DNAJB13: variants seen among roughly 807,000 people sequenced by gnomAD.
DNAJB13 encodes the protein DnaJ heat shock protein family (Hsp40) member B13.
A neutral mutation model predicts 35.6 loss-of-function variants in DNAJB13; 22 were observed. The observed-to-expected ratio is 0.62, with a 90% CI of 0.44 to 0.88. DNAJB13 has a LOEUF of 0.88. Among genes scored for constraint, DNAJB13 ranks in the 40% least tolerant of loss-of-function variants. The pLI is 0.00. For synonymous variants in DNAJB13, 136 were observed against 144.2 expected, an observed-to-expected ratio of 0.94 and a Z score of 0.41; for missense variants, 370 against 384.3, an observed-to-expected ratio of 0.96 and a Z score of 0.31.
intron 3 of DNAJB13, among the ~76,000 whole-genome samples, chr11:73,961,335 G>C (rs562541791): frequency 6.6e-6 from 1 of 152,056 alleles, no homozygotes; most frequent in East Asian, 1.9e-4. Flanking sequence ...GGGTGAGAAG[G>C]CTGTAAGCTG....
Position 73,966,120 on chromosome 11 carries a change from C to T in DNAJB13, c.493-18C>T. 1 of 1,606,012 alleles carries T rather than the reference C, an allele frequency of 6.2e-7. No individual in the cohort carries two copies. Among genetic ancestry groups the T allele is most frequent in the Non-Finnish European group, 8.5e-7 (1 of 1,175,826 alleles). On this transcript the variant is annotated intron_variant, in intron 4 of 7. Coordinates refer to ENST00000339764, the MANE Select transcript of DNAJB13 (RefSeq NM_153614.4). ...GAAGTCCTAAGCAGACCTCCCCACA[C>T]CTGATATGTTGCTATAGGTGCTGAA...
At position 73,964,815 on chromosome 11, in the gene DNAJB13, G is replaced by GCGCGCGCGCGCGCCCC. The variant is rs150548061; in HGVS notation, c.335-54_335-53insGCGCCCCCGCGCGCGC. 8 of 976,814 alleles carry GCGCGCGCGCGCGCCCC rather than the reference G, an allele frequency of 8.2e-6. No homozygotes were observed. The African/African-American group carries it at 9.8e-5, about 12-fold the overall frequency. 60.5% of individuals were successfully genotyped at this position (976,814 alleles called of 1,614,324 possible). Reference sequence around the variant, plus strand: ...TGTGTGTGTGTGTGTGTGTGTGTGCGCGCGCGCGCATGTCTGGGTCTCTGG... The same window carrying GCGCGCGCGCGCGCCCC: ...TGTGTGTGTGTGTGTGTGTGTGTGCGCGCGCGCGCGCGCCCCCGCGCGCGCATGTCTGGGTCTCTGG... On this transcript the variant is annotated intron_variant, in intron 3 of 7. Coordinates refer to ENST00000339764, the MANE Select transcript of DNAJB13 (RefSeq NM_153614.4).
rs112408676 is a variant in DNAJB13, at chr11:73,962,631, C to T, written c.335-2247C>T. Reference sequence around the variant, plus strand: ...GACTTCCTGGCTCCAGTTATACCCACATAAGGCCTAGATTTTTCACTGCCT... The same window carrying T: ...GACTTCCTGGCTCCAGTTATACCCATATAAGGCCTAGATTTTTCACTGCCT... On this transcript the variant is annotated intron_variant, in intron 3 of 7. Coordinates refer to ENST00000339764, the MANE Select transcript of DNAJB13 (RefSeq NM_153614.4). Among the ~76,000 whole-genome samples, 268 of 152,322 alleles carry T rather than the reference C, an allele frequency of 1.8e-3. 3 individuals carry two copies. The highest frequency in any genetic ancestry group is 6.0e-3 in the African/African-American group (251 of 41,570).
chr11:73,968,586 C>T, intron 6 of DNAJB13, 128 bp downstream of exon 6: 2 of 727,112 alleles, frequency 2.8e-6, no homozygotes, highest in Non-Finnish European at 4.6e-6. Flanking sequence ...ATTCCACCCT[C>T]TAAATCACCA....
At chr11:73,968,253 C>A in intron 5 of DNAJB13, 92 bp from the exon 6 acceptor site, 1 of 1,115,518 alleles carries the variant, frequency 9.0e-7, no homozygotes, top group Non-Finnish European at 1.4e-6. Flanking sequence ...CCCCATTGTA[C>A]AGATGAAGAC....
chr11:73,959,535 C>T lies in DNAJB13; in HGVS notation c.214C>T (p.Leu72=). Residue 72 remains leucine (L), a synonymous_variant, in exon 3 of 8, where the codon CTG becomes TTG. Transcript: ENST00000339764. ...GIYDKFGEEG[L]KGGIPLEFGS... ...CTACGACAAGTTTGGAGAAGAGGGC[C>T]TGAAGGGTGGGATTCCTTTGGAGTT... 1 of 1,614,104 alleles carries T rather than the reference C, an allele frequency of 6.2e-7. No homozygotes were observed. The highest frequency in any genetic ancestry group is 8.5e-7 in the Non-Finnish European group (1 of 1,179,988).
intron 3 of DNAJB13, 65 bp from the exon 4 acceptor site, chr11:73,964,813 G>A (rs200783773): frequency 1.0e-6 from 1 of 992,336 alleles, no homozygotes; most frequent in Admixed American, 2.5e-5. Flanking sequence ...GTGTGTGTGT[G>A]CGCGCGCGCG....
At chr11:73,963,419 C>A (rs1950989507) in intron 3 of DNAJB13, among the ~76,000 whole-genome samples, 1 of 152,216 alleles carries the variant, frequency 6.6e-6, no homozygotes, top group Admixed American at 6.5e-5. Context: ...TGGACCTTGC[C>A]TCCCTACCTG....
At chr11:73,963,423 C>T (rs1433565160) in intron 3 of DNAJB13, among the ~76,000 whole-genome samples, 1 of 152,132 alleles carries the variant, frequency 6.6e-6, no homozygotes, top group African/African-American at 2.4e-5. Context: ...CCTTGCCTCC[C>T]TACCTGTCTC....
chr11:73,952,050 G>A (rs937079622), intron 1 of DNAJB13, among the ~76,000 whole-genome samples: 3 of 152,302 alleles, frequency 2.0e-5, no homozygotes, highest in Non-Finnish European at 2.9e-5. Flanking sequence ...GATAAATGTC[G>A]GAATCCGACA....
rs183401694 is a variant in DNAJB13, at chr11:73,951,715, C to T, written c.68+578C>T. Among the ~76,000 whole-genome samples the T allele has an allele frequency of 1.2e-3, 190 of 152,248 alleles. No individual in the cohort carries two copies. In the Middle Eastern group the frequency reaches 0.031, roughly 25 times the overall value. ...AGGCTGGAGTGCAATGGCGTGATCTCGGCTCACCGCAACCTCCACCTCCTG... is the reference window on the plus strand; with the variant it reads ...AGGCTGGAGTGCAATGGCGTGATCTTGGCTCACCGCAACCTCCACCTCCTG... On this transcript the variant is annotated intron_variant, in intron 1 of 7. Coordinates refer to ENST00000339764, the MANE Select transcript of DNAJB13 (RefSeq NM_153614.4).
chr11:73,951,042 C>G lies in DNAJB13; in HGVS notation c.-28C>G. On this transcript the variant is annotated 5_prime_UTR_variant, in exon 1 of 8. It adds an upstream start codon to the 5' untranslated region. Transcript: ENST00000339764. ...AGCCTTGCTAGAGTCTGAGGACTAT[C>G]CAGGGCCTGACTGCCAGCTAGCCAG... is the stretch of plus-strand genomic sequence containing the variant. 6.2e-7 allele frequency: 1 copy of G among 1,613,116 alleles called. No homozygotes were observed. Among genetic ancestry groups the G allele is most frequent in the Non-Finnish European group, 8.5e-7 (1 of 1,179,594 alleles).
At chr11:73,959,764 T>C in intron 3 of DNAJB13, 109 bp downstream of exon 3, 2 of 1,132,158 alleles carry the variant, frequency 1.8e-6, no homozygotes, top group East Asian at 3.0e-5. Context: ...TTTTATTTTA[T>C]TTACTTATTT....
chr11:73,959,049 G>C lies in DNAJB13; in HGVS notation c.173-445G>C, dbSNP rs148915577. 5.9e-4 allele frequency among the ~76,000 whole-genome samples: 89 copies of C among 151,386 alleles called. 2 individuals are homozygous for C. In the East Asian group the frequency reaches 9.6e-3, roughly 16 times the overall value. ...AGGTTTCTACAGCCCCGAGTTTTCA[G>C]GACTTCAGGGTCCTTAGACTCTAGG... On this transcript the variant is annotated intron_variant, in intron 2 of 7. Coordinates refer to ENST00000339764, the MANE Select transcript of DNAJB13 (RefSeq NM_153614.4).
chr11:73,958,549 C>T, intron 2 of DNAJB13, 129 bp downstream of exon 2: 1 of 867,218 alleles, frequency 1.2e-6, no homozygotes, highest in Non-Finnish European at 1.8e-6. Flanking sequence ...TCTAGACACA[C>T]AGAGAAGACA....
intron 3 of DNAJB13, 113 bp from the exon 4 acceptor site, chr11:73,964,765 C>CTG (rs3222042): frequency 0.02 from 12,918 of 656,574 alleles, 86 homozygotes; most frequent in East Asian, 0.038. Flanking sequence ...GATAGGGAGG[C>CTG]TGTGTGTGTG....
chr11:73,955,741 C>T (rs1035823661), intron 1 of DNAJB13, among the ~76,000 whole-genome samples: 21 of 152,104 alleles, frequency 1.4e-4, no homozygotes, highest in African/African-American at 5.1e-4. Flanking sequence ...GCGGACAATG[C>T]AGTGAGCCCA....
intron 6 of DNAJB13, 116 bp from the exon 7 acceptor site, chr11:73,969,130 C>T (rs990867808): frequency 3.6e-5 from 20 of 555,780 alleles, no homozygotes; most frequent in African/African-American, 3.1e-4. Context: ...TGAACAGCCT[C>T]GTCTCCCTTG....
chr11:73,951,238 G>T, intron 1 of DNAJB13, 101 bp downstream of exon 1: 1 of 1,402,294 alleles, frequency 7.1e-7, no homozygotes, highest in Non-Finnish European at 9.9e-7. Flanking sequence ...CGCAGACAAG[G>T]TAAACCTTGT....
Sources: allele counts gnomAD v4.1 joint callset (sites outside exome capture counted in the v4.1 genomes callset), GRCh38; gene constraint gnomAD v4.1.1; transcripts MANE v1.5; gene names NCBI Gene and HGNC (gene_info 2026-07-23, HGNC 2026-07-21).